Variants in GRM7 observed in about 807,000 individuals in gnomAD.
GRM7 encodes metabotropic glutamate receptor 7.
GRM7 carries 35 observed loss-of-function variants against 84.5 expected under a neutral mutation model. The observed-to-expected ratio is 0.41, with a 90% CI of 0.32 to 0.55. The LOEUF is 0.55. Among genes scored for constraint, GRM7 ranks in the 20% least tolerant of loss-of-function variants. GRM7 has a pLI of 0.19. For missense variants in GRM7, 1,003 were observed against 1,194.6 expected (o/e 0.84, Z 2.36); for synonymous variants, 487 against 455.1 (o/e 1.07, Z -0.89).
intron 1 of GRM7, among the ~76,000 whole-genome samples, chr3:7,085,308 C>G (rs1228558729): frequency 6.6e-6 from 1 of 152,042 alleles, no homozygotes; most frequent in Non-Finnish European, 1.5e-5. Context: ...ATCTATTTCC[C>G]CATTGTTTGA....
At chr3:7,733,880 A>G (rs557697198) in intron 9 of GRM7, among the ~76,000 whole-genome samples, 1 of 152,290 alleles carries the variant, frequency 6.6e-6, no homozygotes, top group Non-Finnish European at 1.5e-5. Context: ...CTCACACTGC[A>G]TGGTCCAAAT....
At chr3:7,135,687 A>T (rs1297327294) in intron 1 of GRM7, among the ~76,000 whole-genome samples, 5 of 151,430 alleles carry the variant, frequency 3.3e-5, no homozygotes, top group African/African-American at 9.8e-5. Flanking sequence ...AGAATATAAT[A>T]TAAAAAAATA....
chr3:7,349,637 A>G (rs1039459264), intron 4 of GRM7, among the ~76,000 whole-genome samples: 4 of 152,284 alleles, frequency 2.6e-5, no homozygotes, highest in Admixed American at 2.0e-4. Context: ...GGAACTTTAG[A>G]TAGTACCGGG....
intron 1 of GRM7, among the ~76,000 whole-genome samples, chr3:7,114,648 C>T (rs766457947): frequency 2.8e-4 from 43 of 152,118 alleles, no homozygotes; most frequent in Non-Finnish European, 4.6e-4. Flanking sequence ...CCTCTGCGTA[C>T]CTGGTTCTGT....
At chr3:7,366,792 A>G (rs1693910285) in intron 4 of GRM7, among the ~76,000 whole-genome samples, 1 of 151,780 alleles carries the variant, frequency 6.6e-6, no homozygotes, top group South Asian at 2.1e-4. Flanking sequence ...TTATCACTCT[A>G]CTCTCTTATC....
intron 1 of GRM7, among the ~76,000 whole-genome samples, chr3:6,985,283 T>A (rs1694366740): frequency 6.6e-6 from 1 of 152,198 alleles, no homozygotes; most frequent in African/African-American, 2.4e-5. Flanking sequence ...TCACTCTGTT[T>A]TGGTATCAAG....
chr3:7,685,132 A>G (rs1700527335), intron 9 of GRM7, among the ~76,000 whole-genome samples: 1 of 152,188 alleles, frequency 6.6e-6, no homozygotes, highest in South Asian at 2.1e-4. Flanking sequence ...TGGCTTATTG[A>G]TGGCCATGAC....
At chr3:7,636,303 C>G (rs987000373) in intron 8 of GRM7, 2 of 456,580 alleles carry the variant, frequency 4.4e-6, no homozygotes, top group Non-Finnish European at 8.8e-6. Context: ...GCAGCAATGA[C>G]TGTTCTTGTT....
At chr3:7,731,295 G>C (rs1006660171) in intron 9 of GRM7, among the ~76,000 whole-genome samples, 1 of 151,912 alleles carries the variant, frequency 6.6e-6, no homozygotes, top group East Asian at 1.9e-4. Flanking sequence ...GGAGAATACT[G>C]AAAAAAGGGA....
intron 1 of GRM7, among the ~76,000 whole-genome samples, chr3:6,915,480 T>G (rs1696911426): frequency 6.6e-6 from 1 of 152,196 alleles, no homozygotes; most frequent in African/African-American, 2.4e-5. Context: ...AATTCTTGAT[T>G]TTAAAATGGG....
chr3:7,090,429 AAG>A (rs891015351), intron 1 of GRM7, among the ~76,000 whole-genome samples: 4 of 152,144 alleles, frequency 2.6e-5, no homozygotes, highest in African/African-American at 9.7e-5. Context: ...TGAAAGAAGG[AAG>A]AGTTTCTTGC....
intron 5 of GRM7, among the ~76,000 whole-genome samples, chr3:7,429,015 C>G (rs1031311947): frequency 3.3e-5 from 5 of 152,114 alleles, no homozygotes; most frequent in Admixed American, 3.3e-4. Flanking sequence ...TCTTGGGATG[C>G]ATTTCTAGAA....
At chr3:7,553,317 T>C (rs924845966) in intron 7 of GRM7, among the ~76,000 whole-genome samples, 3 of 152,170 alleles carry the variant, frequency 2.0e-5, no homozygotes, top group Admixed American at 2.0e-4. Flanking sequence ...ATTCAACAAG[T>C]CTCTAGGAAG....
At chr3:6,905,615 T>C (rs556487690) in intron 1 of GRM7, among the ~76,000 whole-genome samples, 1 of 152,290 alleles carries the variant, frequency 6.6e-6, no homozygotes, top group South Asian at 2.1e-4. Flanking sequence ...TTCCAATAGA[T>C]AATGTTAAAC....
intron 2 of GRM7, among the ~76,000 whole-genome samples, chr3:7,197,729 C>T (rs1445684127): frequency 6.6e-6 from 1 of 150,842 alleles, no homozygotes; most frequent in Non-Finnish European, 1.5e-5. Context: ...TAACCAGGAA[C>T]AACTTCAAGT....
intron 2 of GRM7, among the ~76,000 whole-genome samples, chr3:7,229,745 ATATATATATATATATTTTTTT>A (rs1221659141): frequency 6.5e-5 from 2 of 30,890 alleles, no homozygotes; most frequent in Non-Finnish European, 1.3e-4. Flanking sequence ...ATATATATAT[ATATATATATATATATTTTTTT>A]TTTTTTTTGG....
intron 2 of GRM7, 159 bp from the exon 3 acceptor site, chr3:7,298,525 A>G (rs770425987): frequency 1.3e-4 from 78 of 607,614 alleles, no homozygotes; most frequent in Non-Finnish European, 2.1e-4. Flanking sequence ...ACAACATCTC[A>G]GGACTCAGCA....
chr3:6,982,611 A>G (rs1694251754), intron 1 of GRM7, among the ~76,000 whole-genome samples: 2 of 152,110 alleles, frequency 1.3e-5, no homozygotes, highest in South Asian at 4.2e-4. Context: ...TCAACTCAAA[A>G]GAAAAAAAAA....
intron 9 of GRM7, among the ~76,000 whole-genome samples, chr3:7,723,489 C>T (rs1253157807): frequency 6.6e-6 from 1 of 152,112 alleles, no homozygotes; most frequent in Non-Finnish European, 1.5e-5. Context: ...GTCCACTAGA[C>T]ATCACCACAG....
Sources: gnomAD v4.1 joint callset for allele counts (sites outside exome capture counted in the v4.1 genomes callset) on GRCh38, gnomAD v4.1.1 for gene constraint, MANE v1.5 for transcripts, NCBI Gene and HGNC (gene_info 2026-07-23, HGNC 2026-07-21) for gene names.